The following TRAK1 variants were observed in gnomAD, a reference collection of about 807,000 sequenced individuals.
TRAK1 encodes trafficking kinesin protein 1, also known as trafficking kinesin-binding protein 1.
A neutral mutation model predicts 92.1 loss-of-function variants in TRAK1; 33 were observed. That is an observed-to-expected ratio of 0.36 (90% CI 0.27 to 0.48). The LOEUF (loss-of-function observed/expected upper bound fraction) is 0.48. TRAK1 is among the 20% of genes least tolerant of loss of function. The pLI is 0.99. For missense variants in TRAK1, 1,123 were observed against 1,257.9 expected (o/e 0.89, Z 1.62); for synonymous variants, 521 against 517.3 (o/e 1.01, Z -0.10).
chr3:42,211,895 C>T (rs939541323), intron 14 of TRAK1: 1 of 985,224 alleles, frequency 1.0e-6, no homozygotes, highest in Admixed American at 6.2e-5. Context: ...TAGAAAGGGT[C>T]AGGTTGGAGG....
intron 1 of TRAK1, among the ~76,000 whole-genome samples, chr3:42,114,971 C>T (rs1165025773): frequency 6.6e-6 from 1 of 152,200 alleles, no homozygotes; most frequent in Non-Finnish European, 1.5e-5. Context: ...CCTCCGCTTA[C>T]CAAAGTGCTA....
intron 1 of TRAK1, among the ~76,000 whole-genome samples, chr3:42,067,020 C>A (rs890907319): frequency 1.3e-5 from 2 of 152,114 alleles, no homozygotes; most frequent in Admixed American, 1.3e-4. Context: ...CTTGAGTAAT[C>A]TTGAGGTCTG....
intron 1 of TRAK1, among the ~76,000 whole-genome samples, chr3:42,069,126 C>T (rs1473100971): frequency 2.0e-5 from 3 of 152,016 alleles, no homozygotes; most frequent in African/African-American, 7.3e-5. Context: ...TACTTGAGCA[C>T]AGGAGTTTGA....
At chr3:42,075,428 G>GAAGAGTGCTGCGATGAAGAT (rs1704112933) in intron 1 of TRAK1, among the ~76,000 whole-genome samples, 1 of 151,458 alleles carries the variant, frequency 6.6e-6, no homozygotes, top group Admixed American at 6.6e-5. Flanking sequence ...GTGCTATTGT[G>GAAGAGTGCTGCGATGAAGAT]AAGAGTGCTG....
At chr3:42,141,939 C>T (rs1698714647) in intron 2 of TRAK1, among the ~76,000 whole-genome samples, 1 of 152,076 alleles carries the variant, frequency 6.6e-6, no homozygotes, top group South Asian at 2.1e-4. Context: ...AGTTCGAGAC[C>T]AGCCTGGCTA....
intron 2 of TRAK1, among the ~76,000 whole-genome samples, chr3:42,172,503 G>T (rs900904823): frequency 9.2e-5 from 14 of 152,212 alleles, no homozygotes; most frequent in African/African-American, 3.4e-4. Flanking sequence ...AAATTGCCTT[G>T]CACCCCCTCC....
intron 1 of TRAK1, among the ~76,000 whole-genome samples, chr3:42,074,289 A>G (rs17067739): frequency 0.54 from 82,134 of 152,112 alleles, 22,709 homozygotes; most frequent in South Asian, 0.68. Context: ...TGAGCATAGT[A>G]CCAGACCACT....
chr3:42,092,956 C>A (rs1705326756), intron 1 of TRAK1, among the ~76,000 whole-genome samples: 1 of 152,022 alleles, frequency 6.6e-6, no homozygotes, highest in East Asian at 1.9e-4. Flanking sequence ...AAAACATGCT[C>A]AAATAAAACA....
At chr3:42,149,719 C>A in intron 2 of TRAK1, 1 of 1,275,594 alleles carries the variant, frequency 7.8e-7, no homozygotes, top group Non-Finnish European at 1.1e-6. Flanking sequence ...GGTACCAGAA[C>A]TAGCACCACT....
At chr3:42,015,366 CGTTTCCT>C (rs1473325588) in intron 1 of TRAK1, among the ~76,000 whole-genome samples, 1 of 152,092 alleles carries the variant, frequency 6.6e-6, no homozygotes, top group African/African-American at 2.4e-5. Flanking sequence ...CAGCACCAGC[CGTTTCCT>C]GTTTGATGCC....
At chr3:42,184,574 C>T in intron 3 of TRAK1, 111 bp from the exon 4 acceptor site, 1 of 1,048,794 alleles carries the variant, frequency 9.5e-7, no homozygotes, top group African/African-American at 1.6e-5. Context: ...ATTATTAATT[C>T]CTTTGTTATT....
intron 14 of TRAK1, among the ~76,000 whole-genome samples, chr3:42,214,816 C>T (rs996431842): frequency 6.6e-6 from 1 of 152,100 alleles, no homozygotes; most frequent in Non-Finnish European, 1.5e-5. Context: ...CAGGGGCAGT[C>T]GAGAGCTCTG....
intron 1 of TRAK1, among the ~76,000 whole-genome samples, chr3:42,020,920 G>A (rs886337547): frequency 6.6e-6 from 1 of 152,158 alleles, no homozygotes; most frequent in Non-Finnish European, 1.5e-5. Context: ...TTTTTACTTA[G>A]TGTGAGATCC....
At chr3:42,059,820 G>T (rs144396817) in intron 1 of TRAK1, among the ~76,000 whole-genome samples, 71 of 152,242 alleles carry the variant, frequency 4.7e-4, no homozygotes, top group African/African-American at 1.6e-3. Context: ...TGGTACTTCA[G>T]TTTCTTCCTC....
At chr3:42,090,818 C>T (rs1026715939), upstream of TRAK1, among the ~76,000 whole-genome samples, 4 of 152,180 alleles carry the variant, frequency 2.6e-5, no homozygotes, top group African/African-American at 9.7e-5. Context: ...AGAAACAGCT[C>T]GGTGCTGTTG....
intron 1 of TRAK1, among the ~76,000 whole-genome samples, chr3:42,060,157 G>C (rs1411985812): frequency 1.3e-5 from 2 of 152,106 alleles, no homozygotes; most frequent in Non-Finnish European, 2.9e-5. Context: ...ACACACAAAA[G>C]CTCCATCCAC....
At chr3:42,206,531 T>C (rs1708351463) in intron 13 of TRAK1, among the ~76,000 whole-genome samples, 1 of 152,198 alleles carries the variant, frequency 6.6e-6, no homozygotes, top group African/African-American at 2.4e-5. Flanking sequence ...CTCTAGCAAG[T>C]TACTTTCCCT....
Position 42,223,946 on chromosome 3 carries a change from C to T in TRAK1, c.*209C>T, listed in dbSNP as rs1472202323. 7 of 663,712 alleles carry T rather than the reference C, an allele frequency of 1.1e-5. No individual in the cohort carries two copies. The highest frequency in any genetic ancestry group is 1.6e-5 in the Non-Finnish European group (6 of 376,274). The allele number at this position is 663,712 out of a possible 1,614,324, so 41.1% of individuals were successfully genotyped here. ...TAGGACTTGGAGACCTTGTGTCCGC[C>T]CTGCTCTTTCTTCCGATCCCACAGG... On this transcript the variant is annotated 3_prime_UTR_variant, in exon 16 of 16. Transcript: ENST00000327628. The surrounding 1 kb of genome is among the most constrained non-coding windows in gnomAD (Gnocchi z 6.1).
chr3:42,121,236 G>A (rs1198221291), intron 1 of TRAK1, among the ~76,000 whole-genome samples: 1 of 152,012 alleles, frequency 6.6e-6, no homozygotes, highest in African/African-American at 2.4e-5. Context: ...TGTTTGGCAT[G>A]GTGAAAGCAT....
Sources: allele counts gnomAD v4.1 joint callset (sites outside exome capture counted in the v4.1 genomes callset), GRCh38; gene constraint gnomAD v4.1.1; non-coding constraint Gnocchi (gnomAD v3.1); transcripts MANE v1.5; gene names NCBI Gene and HGNC (gene_info 2026-07-23, HGNC 2026-07-21).